RABGEF1: variants seen among roughly 807,000 people sequenced by gnomAD.
The protein encoded by RABGEF1 is RAB guanine nucleotide exchange factor 1.
A neutral mutation model predicts 57.3 loss-of-function variants in RABGEF1; 26 were observed. That is an observed-to-expected ratio of 0.45 (90% confidence interval 0.33 to 0.63). RABGEF1 has a LOEUF of 0.63. Ranked by LOEUF, RABGEF1 falls within the 20% of genes least tolerant of loss-of-function variation. RABGEF1 has a pLI of 0.02. For missense variants in RABGEF1, 464 were observed against 607.6 expected (o/e 0.76, Z 2.48); for synonymous variants, 185 against 210.7 (o/e 0.88, Z 1.06).
intron 2 of RABGEF1, among the ~76,000 whole-genome samples, chr7:66,735,585 C>G (rs998263617): frequency 6.6e-5 from 10 of 152,178 alleles, no homozygotes; most frequent in African/African-American, 1.4e-4. Flanking sequence ...TGAGAGGTGA[C>G]AGGATCATTG....
chr7:66,676,287 A>T, the RABGEF1 span, among the ~76,000 whole-genome samples: 301 of 150,932 alleles, frequency 2.0e-3, 2 homozygotes, highest in Admixed American at 4.6e-3. Flanking sequence ...CGTTTCAAAA[A>T]ATATATATAT....
intron 4 of RABGEF1, among the ~76,000 whole-genome samples, chr7:66,791,442 G>T (rs1812635802): frequency 6.6e-6 from 1 of 152,158 alleles, no homozygotes; most frequent in African/African-American, 2.4e-5. Context: ...CCCTCATATG[G>T]TTCTTTTCCT....
At chr7:66,737,445 G>T (rs879770247), upstream of RABGEF1, among the ~76,000 whole-genome samples, 1 of 151,776 alleles carries the variant, frequency 6.6e-6, no homozygotes, top group African/African-American at 2.4e-5. Context: ...GACTGGGTAG[G>T]GGGGGGCAGT....
intron 2 of RABGEF1, chr7:66,712,354 TAGC>T (rs1404994149): frequency 3.9e-5 from 6 of 152,274 alleles, no homozygotes; most frequent in East Asian, 1.9e-4. Flanking sequence ...GTTTTATAAA[TAGC>T]AGTTTTAAAA....
At chr7:66,736,316 A>G (rs537029751), upstream of RABGEF1, among the ~76,000 whole-genome samples, 1 of 152,342 alleles carries the variant, frequency 6.6e-6, no homozygotes, top group South Asian at 2.1e-4. Flanking sequence ...AAGGACAGGA[A>G]TGTTCCTTTA....
Position 66,767,564 on chromosome 7 carries a change from C to A in RABGEF1, c.-17-4319C>A, listed in dbSNP as rs1434917113. Among the ~76,000 whole-genome samples the A allele has an allele frequency of 4.6e-5, 7 of 152,276 alleles. No individual in the cohort carries two copies. The South Asian group carries it at 1.5e-3, about 32-fold the overall frequency. On this transcript the variant is annotated intron_variant, in intron 1 of 8. Transcript: ENST00000284957. Reference sequence around the variant, plus strand: ...TGAATCTTTGTCTGTCCCCCAAATTCATATGTTGAAATTCTAAACCACAAG... The same window carrying A: ...TGAATCTTTGTCTGTCCCCCAAATTAATATGTTGAAATTCTAAACCACAAG...
intron 1 of RABGEF1, among the ~76,000 whole-genome samples, chr7:66,749,826 T>G (rs893268091): frequency 2.6e-5 from 4 of 151,488 alleles, no homozygotes; most frequent in African/African-American, 9.7e-5. Flanking sequence ...TTTAAAAAAT[T>G]AGCTGGGTGT....
chr7:66,743,092 G>A (rs1342350654), intron 1 of RABGEF1, among the ~76,000 whole-genome samples: 10 of 151,976 alleles, frequency 6.6e-5, no homozygotes, highest in South Asian at 4.1e-4. Context: ...GGCGGATCAC[G>A]AGGTCAGGAG....
intron 2 of RABGEF1, chr7:66,773,825 C>G (rs1370722612): frequency 2.4e-6 from 1 of 425,366 alleles, no homozygotes; most frequent in Non-Finnish European, 4.7e-6. Flanking sequence ...GCCACCATGC[C>G]CAGCTAAGTT....
At chr7:66,743,179 C>T (rs950862738) in intron 1 of RABGEF1, among the ~76,000 whole-genome samples, 13 of 152,032 alleles carry the variant, frequency 8.6e-5, no homozygotes, top group Non-Finnish European at 1.6e-4. Flanking sequence ...GTGATGGCGC[C>T]TGCCGTAATG....
intron 5 of RABGEF1, 67 bp from the exon 6 acceptor site, chr7:66,797,306 CA>C (rs368106136): frequency 0.019 from 18,550 of 961,300 alleles, 12 homozygotes; most frequent in Middle Eastern, 0.047. Context: ...TCTTTGTTTG[CA>C]AAAAAAAAAA....
At chr7:66,706,289 A>G (rs2117322267) in intron 1 of RABGEF1, among the ~76,000 whole-genome samples, 1 of 152,212 alleles carries the variant, frequency 6.6e-6, no homozygotes, top group Middle Eastern at 3.4e-3. Flanking sequence ...ATTTTTATAC[A>G]TGTCTTAGTA....
At chr7:66,656,123 T>C in the RABGEF1 span, among the ~76,000 whole-genome samples, 1 of 152,144 alleles carries the variant, frequency 6.6e-6, no homozygotes, top group East Asian at 1.9e-4. Flanking sequence ...TGCTTATTTA[T>C]TTATTTATTG....
intron 1 of RABGEF1, among the ~76,000 whole-genome samples, chr7:66,743,893 A>G (rs1799576261): frequency 3.3e-5 from 5 of 152,108 alleles, no homozygotes; most frequent in Admixed American, 3.3e-4. Context: ...GGCCTCCCAA[A>G]GTGTTGGGAT....
intron 1 of RABGEF1, among the ~76,000 whole-genome samples, chr7:66,703,314 T>G (rs895153170): frequency 6.6e-6 from 1 of 152,202 alleles, no homozygotes; most frequent in East Asian, 1.9e-4. Context: ...ACCTATCTAT[T>G]TTTTCTTTTG....
rs1199776752 is a variant in RABGEF1 at position 66,810,909 on chromosome 7, G to A, written c.*1625G>A. The A allele has an allele frequency of 2.0e-5, 3 of 152,332 alleles. No individual in the cohort carries two copies. Among genetic ancestry groups the A allele is most frequent in the African/African-American group, 7.2e-5 (3 of 41,586 alleles). 9.4% of individuals were successfully genotyped at this position (152,332 alleles called of 1,614,324 possible). ...AAGATCTATTAAGCTTGACACATCT[G>A]TGTCATCACGCACTGAAGACAGGAA... On this transcript the variant is annotated 3_prime_UTR_variant, in exon 9 of 9. Transcript: ENST00000284957.
Position 66,765,718 on chromosome 7 carries a change from C to G in RABGEF1, c.-17-6165C>G, listed in dbSNP as rs1805526441. On this transcript the variant is annotated intron_variant, in intron 1 of 8. Transcript: ENST00000284957. ...AGCTCCATCATTCAAGAGAACAGCCCCGACTTAGTCCCATTTCCAAAACTC... is the reference window on the plus strand; with the variant it reads ...AGCTCCATCATTCAAGAGAACAGCCGCGACTTAGTCCCATTTCCAAAACTC... 3.3e-5 allele frequency among the ~76,000 whole-genome samples: 5 copies of G among 152,258 alleles called. No homozygotes were observed. In the South Asian group the frequency reaches 6.2e-4, roughly 19 times the overall value.
chr7:66,782,943 T>C (rs1810309511), intron 3 of RABGEF1, among the ~76,000 whole-genome samples: 1 of 152,248 alleles, frequency 6.6e-6, no homozygotes, highest in Non-Finnish European at 1.5e-5. Context: ...TCATACTTTC[T>C]GAAAGCACTT....
intron 3 of RABGEF1, 49 bp downstream of exon 3, chr7:66,775,442 G>A: frequency 6.3e-7 from 1 of 1,591,448 alleles, no homozygotes; most frequent in Non-Finnish European, 8.6e-7. Context: ...GTGAGACACA[G>A]AGGAGATCCC....
Sources: gnomAD v4.1 joint callset for allele counts (sites outside exome capture counted in the v4.1 genomes callset) on GRCh38, gnomAD v4.1.1 for gene constraint, MANE v1.5 for transcripts, NCBI Gene and HGNC (gene_info 2026-07-23, HGNC 2026-07-21) for gene names.